The following UPF3B variants were observed in gnomAD, a reference collection of about 807,000 sequenced individuals.
The protein encoded by UPF3B is regulator of nonsense transcripts 3B.
In UPF3B, 7 loss-of-function variants were observed where a neutral mutation model predicts 40.3. The ratio of observed to expected loss-of-function variants is 0.17; its 90% CI spans 0.10 to 0.33. The LOEUF is 0.33. UPF3B is among the 10% of genes least tolerant of loss of function. The probability of loss-of-function intolerance (pLI) is 1.00; values close to 1 mark genes in which losing one functional copy is unlikely to be tolerated. For missense variants in UPF3B, 229 were observed against 358.9 expected, an observed-to-expected ratio of 0.64 and a Z score of 2.93; for synonymous variants, 117 against 117.3, an observed-to-expected ratio of 1.00 and a Z score of 0.01.
chrX:119,826,076 G>A (rs191316244), intron 3 of UPF3B, among the ~76,000 whole-genome samples: 30 of 112,051 alleles, frequency 2.7e-4, no homozygotes, highest in African/African-American at 8.1e-4. Flanking sequence ...CAGGAGAATC[G>A]CTTGTGCCCG....
chrX:119,825,460 T>C (rs931005931), intron 3 of UPF3B, among the ~76,000 whole-genome samples: 6 of 111,506 alleles, frequency 5.4e-5, no homozygotes, highest in Non-Finnish European at 1.1e-4. Context: ...TCTTAAAAAG[T>C]CCATGGAAAT....
In UPF3B at chrX:119,837,976, T is replaced by C; in HGVS notation, c.1083A>G (p.Arg361=). 1 of 1,211,266 alleles carries C rather than the reference T, an allele frequency of 8.3e-7. No homozygotes were observed. The highest frequency in any genetic ancestry group is 1.1e-6 in the Non-Finnish European group (1 of 895,517). ...EYERDQERIL[R]ERERLKRQEE... ...CTTGCCGCTTCAGCCTCTCTCTTTC[T>C]CGAAGTATGCGCTCCTGATCTCGTT... is the stretch of plus-strand genomic sequence containing the variant. Residue 361 remains arginine (R), a synonymous_variant, in exon 10 of 11, where the codon CGA becomes CGG. Transcript: ENST00000276201.
intron 5 of UPF3B, among the ~76,000 whole-genome samples, chrX:119,842,605 TACACACACACAC>T (rs543555558): frequency 3.3e-5 from 3 of 91,392 alleles, no homozygotes; most frequent in Non-Finnish European, 6.5e-5. Flanking sequence ...CACACACACA[TACACACACACAC>T]ACACACACAC....
chrX:119,847,904 C>T, intron 3 of UPF3B, among the ~76,000 whole-genome samples: 1 of 111,108 alleles, frequency 9.0e-6, no homozygotes, highest in Non-Finnish European at 1.9e-5. Flanking sequence ...TCACAATAGC[C>T]AAGAGTGGAA....
intron 10 of UPF3B, among the ~76,000 whole-genome samples, chrX:119,835,722 C>G (rs2056084140): frequency 8.9e-6 from 1 of 112,228 alleles, no homozygotes; most frequent in African/African-American, 3.2e-5. Flanking sequence ...GGTGCAGTGG[C>G]TCATACCTTT....
At position 119,852,765 on chromosome X, in the gene UPF3B, C is replaced by T; in HGVS notation, c.156+8G>A. On this transcript the variant is annotated splice_region_variant and intron_variant, in intron 1 of 10. Coordinates refer to ENST00000276201, the MANE Select transcript of UPF3B (RefSeq NM_080632.3). ...CGCCCTCTCCCGGGCCAGCGGCCGA[C>T]CGGGCACCTTGCTCAGCGCTTCTTT... The T allele has an allele frequency of 8.2e-7, 1 of 1,212,481 alleles. No homozygotes were observed. The highest frequency in any genetic ancestry group is 1.1e-6 in the Non-Finnish European group (1 of 895,686).
chrX:119,834,521 G>A lies in UPF3B; in HGVS notation c.*357C>T, dbSNP rs949106515. On this transcript the variant is annotated 3_prime_UTR_variant, in exon 11 of 11. Coordinates refer to ENST00000276201, the MANE Select transcript of UPF3B (RefSeq NM_080632.3). ...CCCAAATTCAGAAAATTCAATTCAG[G>A]ATGAACAACAGCTTTTGATTTTAGA... 47 of 888,935 alleles carry A rather than the reference G, an allele frequency of 5.3e-5. No homozygotes were observed. Among genetic ancestry groups the A allele is most frequent in the Middle Eastern group, 1.1e-3 (2 of 1,883 alleles). The allele number at this position is 888,935 out of a possible 1,213,427, so 73.3% of individuals were successfully genotyped here. A position where few individuals can be genotyped will look rare whatever the true frequency, so the allele number is the denominator to read the frequency against.
chrX:119,826,085 C>T (rs182585445), intron 3 of UPF3B, among the ~76,000 whole-genome samples: 3,255 of 111,573 alleles, frequency 0.029, 55 homozygotes, highest in Middle Eastern at 0.05. Flanking sequence ...CGCTTGTGCC[C>T]GGGAGGCGGA....
intron 4 of UPF3B, among the ~76,000 whole-genome samples, chrX:119,844,586 AT>A (rs1170481716): frequency 2.7e-5 from 3 of 109,817 alleles, no homozygotes; most frequent in Non-Finnish European, 1.9e-5. Flanking sequence ...TTGAAACCTG[AT>A]TTTTTTCCAC....
intron 4 of UPF3B, among the ~76,000 whole-genome samples, chrX:119,817,215 G>A (rs921795424): frequency 9.0e-6 from 1 of 111,515 alleles, no homozygotes; most frequent in East Asian, 2.8e-4. Flanking sequence ...GTGATCCACC[G>A]GCCTTGGTAT....
chrX:119,815,289 G>C lies in UPF3B; in HGVS notation c.514C>G (p.Arg172Gly), dbSNP rs1279788152. ...TGGCTTCGAGCTCCTGGATGGTAACGCTGCATCCCTGGATGATTCTGAAGT... is the reference window on the plus strand; with the variant it reads ...TGGCTTCGAGCTCCTGGATGGTAACCCTGCATCCCTGGATGATTCTGAAGT... The change falls in exon 5 of 7, where the codon CGT becomes GGT. Residue 172 changes from arginine to glycine, a missense_variant. Coordinates refer to the UPF3B transcript ENST00000636792. 12 of 781,725 alleles carry C rather than the reference G, an allele frequency of 1.5e-5. No individual in the cohort carries two copies. The African/African-American group carries it at 2.7e-4, about 18-fold the overall frequency. 64.4% of individuals were successfully genotyped at this position (781,725 alleles called of 1,213,427 possible). A position where few individuals can be genotyped will look rare whatever the true frequency, so the allele number is the denominator to read the frequency against.
chrX:119,821,806 A>C (rs1026579937), intron 4 of UPF3B, among the ~76,000 whole-genome samples: 2 of 110,942 alleles, frequency 1.8e-5, no homozygotes, highest in African/African-American at 6.6e-5. Context: ...TCAAAAAAAA[A>C]ACAAAAAAAA....
intron 4 of UPF3B, among the ~76,000 whole-genome samples, chrX:119,819,842 CTTTTTT>C (rs34094727): frequency 8.7e-5 from 6 of 68,642 alleles, no homozygotes; most frequent in South Asian, 7.1e-4. Context: ...TCTATTTTTC[CTTTTTT>C]TTTTTTTTTT....
intron 5 of UPF3B, among the ~76,000 whole-genome samples, chrX:119,810,532 G>A (rs1478389053): frequency 8.9e-6 from 1 of 112,126 alleles, no homozygotes; most frequent in Non-Finnish European, 1.9e-5. Flanking sequence ...AGCTGCTTGA[G>A]AAATTTTGCT....
intron 3 of UPF3B, among the ~76,000 whole-genome samples, chrX:119,846,896 G>A (rs1281034907): frequency 8.9e-6 from 1 of 112,133 alleles, no homozygotes; most frequent in Non-Finnish European, 1.9e-5. Flanking sequence ...GGGTAATATC[G>A]AGAATATATA....
chrX:119,831,182 A>T (rs913363341), downstream of UPF3B, among the ~76,000 whole-genome samples: 1 of 111,625 alleles, frequency 9.0e-6, no homozygotes, highest in Non-Finnish European at 1.9e-5. Context: ...TCTGCCGTGT[A>T]CCCCACGAGC....
intron 4 of UPF3B, among the ~76,000 whole-genome samples, chrX:119,818,337 C>G (rs2041237349): frequency 3.6e-5 from 4 of 111,971 alleles, no homozygotes; most frequent in African/African-American, 1.3e-4. Flanking sequence ...TGGCTCACCC[C>G]TGTAATTCCA....
chrX:119,837,651 A>T, intron 10 of UPF3B, 106 bp downstream of exon 10: 3 of 848,057 alleles, frequency 3.5e-6, no homozygotes, highest in South Asian at 4.5e-5. Context: ...AGATGATTAA[A>T]GTTCCCCTTT....
chrX:119,843,042 G>A (rs1381786299), intron 5 of UPF3B, 149 bp downstream of exon 5: 17 of 454,938 alleles, frequency 3.7e-5, no homozygotes, highest in Middle Eastern at 3.5e-4. Context: ...ATAATGCTGT[G>A]AGGCAGGTAT....
Sources: gnomAD v4.1 joint callset for allele counts (sites outside exome capture counted in the v4.1 genomes callset) on GRCh38, gnomAD v4.1.1 for gene constraint, MANE v1.5 for transcripts, NCBI Gene and HGNC (gene_info 2026-07-23, HGNC 2026-07-21) for gene names.